CPED1: variants seen among roughly 807,000 people sequenced by gnomAD.
CPED1 encodes the protein cadherin like and PC-esterase domain containing 1.
CPED1 carries 114 observed loss-of-function variants against 128.2 expected under a neutral mutation model. That is an observed-to-expected ratio of 0.89 (90% CI 0.76 to 1.04). CPED1 has a LOEUF of 1.04. Among genes scored for constraint, CPED1 ranks in the 50% least tolerant of loss-of-function variants. CPED1 has a pLI of 0.00. For synonymous variants in CPED1, 462 were observed against 426.7 expected (o/e 1.08, Z -1.02); for missense variants, 1,211 against 1,207.1 (o/e 1.00, Z -0.05).
intron 16 of CPED1, among the ~76,000 whole-genome samples, chr7:121,204,205 T>TA (rs1226077638): frequency 1.4e-4 from 21 of 152,038 alleles, no homozygotes; most frequent in African/African-American, 4.8e-4. Context: ...CGGGTTAGGT[T>TA]AAAAAAAATT....
At chr7:121,221,790 T>A (rs950809511) in intron 16 of CPED1, among the ~76,000 whole-genome samples, 1 of 152,216 alleles carries the variant, frequency 6.6e-6, no homozygotes, top group Non-Finnish European at 1.5e-5. Flanking sequence ...TCATATCTTT[T>A]GCCCACTTTT....
intron 16 of CPED1, among the ~76,000 whole-genome samples, chr7:121,205,324 C>T (rs1797494303): frequency 6.6e-6 from 1 of 151,980 alleles, no homozygotes; most frequent in South Asian, 2.1e-4. Context: ...ACACTTACTT[C>T]CATTTTTAGT....
At chr7:121,030,062 A>G (rs940924072) in intron 3 of CPED1, among the ~76,000 whole-genome samples, 3 of 152,288 alleles carry the variant, frequency 2.0e-5, no homozygotes, top group African/African-American at 7.2e-5. Context: ...CAAAAATAAA[A>G]GTGAAAATTA....
At chr7:121,160,393 G>A (rs1796386454) in intron 16 of CPED1, among the ~76,000 whole-genome samples, 1 of 152,152 alleles carries the variant, frequency 6.6e-6, no homozygotes. Flanking sequence ...AGGGGATAGA[G>A]AGCGAGAAGA....
intron 16 of CPED1, among the ~76,000 whole-genome samples, chr7:121,206,732 G>GT: frequency 6.6e-6 from 1 of 151,550 alleles, no homozygotes; most frequent in East Asian, 1.9e-4. Flanking sequence ...TGTTTTTAAT[G>GT]TTTTTTAACG....
chr7:120,997,486 C>G (rs1171297550), intron 2 of CPED1, among the ~76,000 whole-genome samples: 1 of 152,172 alleles, frequency 6.6e-6, no homozygotes, highest in Non-Finnish European at 1.5e-5. Flanking sequence ...TACCCCATCC[C>G]TGAAAAGATA....
At chr7:121,237,273 T>G (rs1426534673) in intron 17 of CPED1, among the ~76,000 whole-genome samples, 1 of 152,202 alleles carries the variant, frequency 6.6e-6, no homozygotes, top group African/African-American at 2.4e-5. Flanking sequence ...TGCATTATAC[T>G]AATTCATTTG....
intron 16 of CPED1, among the ~76,000 whole-genome samples, chr7:121,190,445 A>C (rs1244327404): frequency 6.6e-6 from 1 of 151,512 alleles, no homozygotes; most frequent in African/African-American, 2.4e-5. Flanking sequence ...TCAGGAGGAC[A>C]GGGTGATTTT....
intron 16 of CPED1, among the ~76,000 whole-genome samples, chr7:121,232,091 A>C (rs1220653442): frequency 2.0e-5 from 3 of 152,128 alleles, no homozygotes. Flanking sequence ...GGTTTGAAAG[A>C]GGCAGTTGGA....
chr7:121,247,754 AG>A (rs1468761483), intron 18 of CPED1, among the ~76,000 whole-genome samples: 1 of 152,172 alleles, frequency 6.6e-6, no homozygotes, highest in Non-Finnish European at 1.5e-5. Context: ...GAGCCAGTGC[AG>A]AAACAGGGGC....
intron 5 of CPED1, among the ~76,000 whole-genome samples, chr7:121,096,386 T>G (rs186091928): frequency 6.6e-6 from 1 of 152,272 alleles, no homozygotes; most frequent in Admixed American, 6.5e-5. Flanking sequence ...CTTTGTTCTA[T>G]TTTGAGAGCT....
chr7:121,283,386 CAA>C, intron 22 of CPED1, among the ~76,000 whole-genome samples: 1 of 152,294 alleles, frequency 6.6e-6, no homozygotes, highest in African/African-American at 2.4e-5. Context: ...AAGCTATCTA[CAA>C]AGGAATTTGC....
chr7:121,142,291 G>C (rs1795923712), intron 16 of CPED1, 150 bp downstream of exon 16: 1 of 684,232 alleles, frequency 1.5e-6, no homozygotes, highest in East Asian at 2.6e-5. Flanking sequence ...TCCCAGCCAG[G>C]TATCTAAGTC....
intron 21 of CPED1, among the ~76,000 whole-genome samples, chr7:121,269,115 C>T (rs1015661880): frequency 6.6e-6 from 1 of 152,008 alleles, no homozygotes; most frequent in African/African-American, 2.4e-5. Context: ...GTAAGTGTAG[C>T]AAGCGTAGTA....
chr7:121,064,637 A>G (rs1023383323), intron 5 of CPED1, among the ~76,000 whole-genome samples: 1 of 152,196 alleles, frequency 6.6e-6, no homozygotes, highest in Non-Finnish European at 1.5e-5. Context: ...GTTATGTAAC[A>G]CTTGGGGGTT....
At chr7:121,202,335 G>A (rs1797418329) in intron 16 of CPED1, among the ~76,000 whole-genome samples, 1 of 152,142 alleles carries the variant, frequency 6.6e-6, no homozygotes, top group African/African-American at 2.4e-5. Flanking sequence ...ACGGCAACCA[G>A]TCATTGGAGA....
intron 22 of CPED1, among the ~76,000 whole-genome samples, chr7:121,278,352 G>A (rs1381245536): frequency 6.6e-6 from 1 of 152,020 alleles, no homozygotes; most frequent in Non-Finnish European, 1.5e-5. Flanking sequence ...AGGTGGGGAG[G>A]AGGGTCTCTC....
In CPED1 at chr7:121,098,753, T is replaced by TATAAATATATATATAA. The variant is rs1794761153; in HGVS notation, c.749+923_749+924insTAAATATATATATAAA. On this transcript the variant is annotated intron_variant, in intron 6 of 22. Coordinates refer to ENST00000310396, the MANE Select transcript of CPED1 (RefSeq NM_024913.5). Reference sequence around the variant, plus strand: ...TCAAATATATATATATAAAAATATATAAAAATATATATAAATATATATATA... The same window carrying TATAAATATATATATAA: ...TCAAATATATATATATAAAAATATATATAAATATATATATAAAAAAATATATATAAATATATATATA... Among the ~76,000 whole-genome samples the TATAAATATATATATAA allele has an allele frequency of 6.9e-5, 2 of 28,810 alleles. 1 individual carries two copies. Among genetic ancestry groups the TATAAATATATATATAA allele is most frequent in the Non-Finnish European group, 1.7e-4 (2 of 11,790 alleles). 18.9% of individuals were successfully genotyped at this position (28,810 alleles called of 152,430 possible). A position where few individuals can be genotyped will look rare whatever the true frequency, so the allele number is the denominator to read the frequency against.
chr7:121,038,320 G>A (rs1232916855), intron 3 of CPED1, among the ~76,000 whole-genome samples: 2 of 151,986 alleles, frequency 1.3e-5, no homozygotes, highest in African/African-American at 2.4e-5. Context: ...GGAGCTGCAT[G>A]TATTAAGAAG....
Sources: gnomAD v4.1 joint callset for allele counts (sites outside exome capture counted in the v4.1 genomes callset) on GRCh38, gnomAD v4.1.1 for gene constraint, MANE v1.5 for transcripts, NCBI Gene and HGNC (gene_info 2026-07-23, HGNC 2026-07-21) for gene names.